The following NALF1 variants were observed in gnomAD, a reference collection of about 807,000 sequenced individuals.
NALF1 encodes the protein family with sequence similarity 155 member A.
Under a neutral mutation model 48.4 loss-of-function variants are expected in NALF1, and 3 were observed. The ratio of observed to expected loss-of-function variants is 0.06; its 90% confidence interval spans 0.03 to 0.16. The LOEUF (loss-of-function observed/expected upper bound fraction) is 0.16. Among genes scored for constraint, NALF1 ranks in the 10% least tolerant of loss-of-function variants. NALF1 has a pLI of 1.00. For synonymous variants in NALF1, 262 were observed against 245.7 expected (o/e 1.07, Z -0.62); for missense variants, 526 against 571.5 (o/e 0.92, Z 0.81).
intron 1 of NALF1, among the ~76,000 whole-genome samples, chr13:107,264,219 C>T (rs1366824984): frequency 6.6e-6 from 1 of 151,866 alleles, no homozygotes; most frequent in African/African-American, 2.4e-5. Flanking sequence ...AATTATATTG[C>T]CAACTTAATA....
At chr13:107,215,058 G>C (rs941007177) in intron 1 of NALF1, among the ~76,000 whole-genome samples, 2 of 152,086 alleles carry the variant, frequency 1.3e-5, no homozygotes, top group Non-Finnish European at 2.9e-5. Context: ...GGTCTCTGGA[G>C]TCACTAAGGT....
At chr13:107,592,211 CT>C (rs1878618562) in intron 1 of NALF1, among the ~76,000 whole-genome samples, 1 of 151,784 alleles carries the variant, frequency 6.6e-6, no homozygotes, top group Non-Finnish European at 1.5e-5. Flanking sequence ...TACTTTTAAT[CT>C]ACCTCAAAAT....
intron 1 of NALF1, among the ~76,000 whole-genome samples, chr13:107,442,844 A>C (rs1376435126): frequency 6.6e-6 from 1 of 152,210 alleles, no homozygotes; most frequent in African/African-American, 2.4e-5. Context: ...ATAATGGTTA[A>C]AGTTTTAACT....
At chr13:107,774,570 A>C (rs1877668496) in intron 1 of NALF1, among the ~76,000 whole-genome samples, 1 of 152,130 alleles carries the variant, frequency 6.6e-6, no homozygotes, top group Non-Finnish European at 1.5e-5. Flanking sequence ...TACATTTCTT[A>C]CCTAACACCA....
intron 1 of NALF1, among the ~76,000 whole-genome samples, chr13:107,610,635 T>G (rs951401862): frequency 1.3e-5 from 2 of 152,204 alleles, no homozygotes; most frequent in African/African-American, 4.8e-5. Context: ...TTAAGAGAAT[T>G]TGAACATTAT....
At chr13:107,372,629 T>C (rs1165310546) in intron 1 of NALF1, among the ~76,000 whole-genome samples, 2 of 152,202 alleles carry the variant, frequency 1.3e-5, no homozygotes, top group Non-Finnish European at 2.9e-5. Flanking sequence ...TTTCAAACAA[T>C]AGCTCTTAGA....
intron 1 of NALF1, among the ~76,000 whole-genome samples, chr13:107,316,633 T>G (rs1771234271): frequency 1.3e-5 from 2 of 152,202 alleles, no homozygotes; most frequent in South Asian, 4.1e-4. Context: ...TTGATTTGCA[T>G]TTCTCTGATG....
chr13:107,251,438 G>A (rs1380728027), intron 1 of NALF1, among the ~76,000 whole-genome samples: 1 of 152,222 alleles, frequency 6.6e-6, no homozygotes, highest in Non-Finnish European at 1.5e-5. Context: ...AAAAGGTGAA[G>A]AGAAGATTGT....
intron 1 of NALF1, among the ~76,000 whole-genome samples, chr13:107,268,687 T>C (rs1256761931): frequency 6.6e-6 from 1 of 152,200 alleles, no homozygotes; most frequent in East Asian, 1.9e-4. Context: ...ATGATATTCT[T>C]TAAAAAGTCA....
intron 1 of NALF1, among the ~76,000 whole-genome samples, chr13:107,433,320 C>T (rs1251376303): frequency 6.6e-6 from 1 of 152,094 alleles, no homozygotes; most frequent in Non-Finnish European, 1.5e-5. Context: ...TGATAACTGT[C>T]TATGGTTAGA....
chr13:107,328,521 T>C (rs528320693), intron 1 of NALF1, among the ~76,000 whole-genome samples: 1 of 152,336 alleles, frequency 6.6e-6, no homozygotes, highest in African/African-American at 2.4e-5. Flanking sequence ...ATTTTCCTTC[T>C]GTTAAATAAA....
At chr13:107,316,356 A>C (rs1185767664) in intron 1 of NALF1, among the ~76,000 whole-genome samples, 1 of 114,776 alleles carries the variant, frequency 8.7e-6, no homozygotes, top group African/African-American at 2.9e-5. Context: ...CGCAATAAAC[A>C]TAAGTGTGCA....
intron 1 of NALF1, among the ~76,000 whole-genome samples, chr13:107,320,520 TAAAC>T (rs1045442147): frequency 6.6e-6 from 1 of 152,048 alleles, no homozygotes; most frequent in Non-Finnish European, 1.5e-5. Context: ...GAAATAATAT[TAAAC>T]AGTTAATCAT....
At chr13:107,862,469 G>A (rs1470324866) in intron 1 of NALF1, among the ~76,000 whole-genome samples, 3 of 151,966 alleles carry the variant, frequency 2.0e-5, no homozygotes, top group East Asian at 1.9e-4. Context: ...AACTACAGGG[G>A]AAAATTTCTG....
At chr13:107,453,270 G>A (rs781442405) in intron 1 of NALF1, among the ~76,000 whole-genome samples, 6 of 152,158 alleles carry the variant, frequency 3.9e-5, no homozygotes, top group Non-Finnish European at 7.3e-5. Flanking sequence ...CTCCATGAGG[G>A]CTCCGCCCCT....
At chr13:107,275,587 G>A (rs1010122193) in intron 1 of NALF1, among the ~76,000 whole-genome samples, 24 of 151,934 alleles carry the variant, frequency 1.6e-4, no homozygotes, top group African/African-American at 5.3e-4. Flanking sequence ...CTGTGGGTCC[G>A]GAATCTGAAT....
intron 1 of NALF1, among the ~76,000 whole-genome samples, chr13:107,312,034 A>T (rs530132198): frequency 6.6e-6 from 1 of 152,326 alleles, no homozygotes; most frequent in East Asian, 1.9e-4. Context: ...GGGATCTAGA[A>T]CTAGAAATAC....
At chr13:107,257,075 A>G (rs1880831143) in intron 1 of NALF1, among the ~76,000 whole-genome samples, 2 of 152,124 alleles carry the variant, frequency 1.3e-5, no homozygotes, top group African/African-American at 2.4e-5. Context: ...CTTCTTCACA[A>G]GGCCACAAGA....
At chr13:107,684,897 C>T (rs72654997) in intron 1 of NALF1, among the ~76,000 whole-genome samples, 2 of 152,324 alleles carry the variant, frequency 1.3e-5, no homozygotes, top group South Asian at 2.1e-4. Context: ...AATGCCTTTG[C>T]CACCTAGTTA....
Sources: allele counts gnomAD v4.1 joint callset (sites outside exome capture counted in the v4.1 genomes callset), GRCh38; gene constraint gnomAD v4.1.1; transcripts MANE v1.5; gene names NCBI Gene and HGNC (gene_info 2026-07-23, HGNC 2026-07-21).